Variants in PSMB7 observed in about 807,000 individuals in gnomAD.
PSMB7 encodes proteasome subunit beta type-7.
PSMB7 carries 5 observed loss-of-function variants against 28.1 expected under a neutral mutation model. The ratio of observed to expected loss-of-function variants is 0.18; its 90% CI spans 0.09 to 0.37. The LOEUF (loss-of-function observed/expected upper bound fraction) is 0.37. Ranked by LOEUF, PSMB7 falls within the 10% of genes least tolerant of loss-of-function variation. PSMB7 has a pLI of 1.00. For missense variants in PSMB7, 275 were observed against 346.2 expected (o/e 0.79, Z 1.63); for synonymous variants, 122 against 123.7 (o/e 0.99, Z 0.09).
chr9:124,407,077 A>C (rs1212602441), intron 4 of PSMB7, among the ~76,000 whole-genome samples: 4 of 152,240 alleles, frequency 2.6e-5, no homozygotes, highest in Non-Finnish European at 5.9e-5. Context: ...GTGCTAGATA[A>C]ACATGCTGGA....
chr9:124,409,361 CAAGTAA>C (rs1227241948), intron 4 of PSMB7, among the ~76,000 whole-genome samples: 3 of 152,166 alleles, frequency 2.0e-5, no homozygotes, highest in African/African-American at 7.2e-5. Flanking sequence ...TCTACGTATT[CAAGTAA>C]TAGTTTCTAG....
intron 5 of PSMB7, among the ~76,000 whole-genome samples, chr9:124,404,983 C>A (rs373146331): frequency 6.6e-6 from 1 of 151,898 alleles, no homozygotes; most frequent in Non-Finnish European, 1.5e-5. Flanking sequence ...GGTTGTATAA[C>A]CTGTGTATAT....
At chr9:124,392,652 G>A (rs1323700344) in intron 5 of PSMB7, among the ~76,000 whole-genome samples, 1 of 152,216 alleles carries the variant, frequency 6.6e-6, no homozygotes, top group Non-Finnish European at 1.5e-5. Flanking sequence ...CCTCCAGGCA[G>A]CTATTTTATA....
chr9:124,383,070 C>T (rs1245460562), intron 6 of PSMB7, among the ~76,000 whole-genome samples: 1 of 152,128 alleles, frequency 6.6e-6, no homozygotes, highest in Non-Finnish European at 1.5e-5. Context: ...CTAATGGATG[C>T]GTAGAACCTT....
chr9:124,376,151 A>T (rs958718081), intron 6 of PSMB7, among the ~76,000 whole-genome samples: 1 of 151,682 alleles, frequency 6.6e-6, no homozygotes, highest in Non-Finnish European at 1.5e-5. Context: ...AGTCTTGCTT[A>T]TTTTTTTTAT....
At chr9:124,411,613 A>C (rs918866038) in intron 4 of PSMB7, among the ~76,000 whole-genome samples, 1 of 152,264 alleles carries the variant, frequency 6.6e-6, no homozygotes, top group Non-Finnish European at 1.5e-5. Context: ...GCAAATGAGA[A>C]AACACACTTT....
intron 5 of PSMB7, among the ~76,000 whole-genome samples, chr9:124,388,859 T>C (rs1830754319): frequency 6.6e-6 from 1 of 152,154 alleles, no homozygotes; most frequent in Admixed American, 6.5e-5. Context: ...CCTAGAACCC[T>C]TCCTTGGTCA....
intron 5 of PSMB7, chr9:124,396,851 G>C (rs1300615370): frequency 1.3e-5 from 6 of 469,330 alleles, no homozygotes; most frequent in Non-Finnish European, 2.6e-5. Context: ...AGAAAAGCTG[G>C]CAAGTTCAAA....
At chr9:124,397,011 T>C (rs1222763443) in intron 5 of PSMB7, among the ~76,000 whole-genome samples, 1 of 152,218 alleles carries the variant, frequency 6.6e-6, no homozygotes, top group Non-Finnish European at 1.5e-5. Context: ...TCTTCCAAAT[T>C]ACTCTCTTAA....
At chr9:124,405,841 C>T (rs1418666522) in intron 4 of PSMB7, among the ~76,000 whole-genome samples, 1 of 152,132 alleles carries the variant, frequency 6.6e-6, no homozygotes, top group South Asian at 2.1e-4. Context: ...CACCACCACA[C>T]CTGGCTAATT....
chr9:124,387,852 T>C (rs973963091), intron 5 of PSMB7, among the ~76,000 whole-genome samples: 4 of 149,462 alleles, frequency 2.7e-5, no homozygotes, highest in Non-Finnish European at 1.5e-5. Context: ...TTCAAGGCAA[T>C]GCAGTGGGGG....
intron 6 of PSMB7, among the ~76,000 whole-genome samples, chr9:124,371,020 T>C (rs1448728639): frequency 4.6e-5 from 7 of 152,182 alleles, no homozygotes; most frequent in African/African-American, 1.7e-4. Context: ...CTTTCTGATA[T>C]CGCACACCAC....
At chr9:124,366,997 G>A (rs1051385503) in intron 6 of PSMB7, among the ~76,000 whole-genome samples, 2 of 152,220 alleles carry the variant, frequency 1.3e-5, no homozygotes, top group East Asian at 1.9e-4. Flanking sequence ...TGTCCCTGTC[G>A]TTAAGCAACA....
chr9:124,391,911 A>G (rs755346801), intron 5 of PSMB7, among the ~76,000 whole-genome samples: 3 of 152,266 alleles, frequency 2.0e-5, no homozygotes, highest in Non-Finnish European at 4.4e-5. Context: ...TAGATATGCT[A>G]AAGAAACAGT....
chr9:124,367,796 G>A (rs1473129195), intron 6 of PSMB7, among the ~76,000 whole-genome samples: 1 of 152,124 alleles, frequency 6.6e-6, no homozygotes, highest in East Asian at 1.9e-4. Context: ...GCTGGGCCAC[G>A]GTGCCTGCAG....
rs537313383 is a variant in PSMB7 at position 124,414,670 on chromosome 9, T to C, written c.156+172A>G. Among the ~76,000 whole-genome samples, 6 of 150,606 alleles carry C rather than the reference T, an allele frequency of 4.0e-5. No individual in the cohort carries two copies. In the South Asian group the frequency reaches 6.3e-4, roughly 16 times the overall value. On this transcript the variant is annotated intron_variant, in intron 2 of 7. Transcript: ENST00000259457. ...AGCAAAGTGAGGAAAGAACATAAACTGTTAAGAAGCACACAAAACCTGACA... is the reference window on the plus strand; with the variant it reads ...AGCAAAGTGAGGAAAGAACATAAACCGTTAAGAAGCACACAAAACCTGACA...
intron 5 of PSMB7, among the ~76,000 whole-genome samples, chr9:124,391,231 A>G (rs760295354): frequency 6.6e-6 from 1 of 152,256 alleles, no homozygotes; most frequent in African/African-American, 2.4e-5. Context: ...TAAAGCTCAA[A>G]GATAAGGAAC....
intron 6 of PSMB7, among the ~76,000 whole-genome samples, chr9:124,359,039 TCCTC>T (rs769906431): frequency 6.6e-5 from 10 of 152,234 alleles, no homozygotes; most frequent in African/African-American, 9.6e-5. Context: ...TTATGAGTGA[TCCTC>T]CCTCTATTTT....
chr9:124,359,202 C>T (rs919823912), intron 6 of PSMB7, among the ~76,000 whole-genome samples: 1 of 152,086 alleles, frequency 6.6e-6, no homozygotes, highest in African/African-American at 2.4e-5. Flanking sequence ...CTTTTAAATT[C>T]CTTTCCTCCC....
Sources: allele counts gnomAD v4.1 joint callset (sites outside exome capture counted in the v4.1 genomes callset), GRCh38; gene constraint gnomAD v4.1.1; transcripts MANE v1.5; gene names NCBI Gene and HGNC (gene_info 2026-07-23, HGNC 2026-07-21).